CCM2: variants seen among roughly 807,000 people sequenced by gnomAD.
CCM2 encodes CCM2 scaffold protein, also known as cerebral cavernous malformations 2 protein.
Under a neutral mutation model 44.9 loss-of-function variants are expected in CCM2, and 25 were observed. The observed-to-expected ratio is 0.56, with a 90% CI of 0.41 to 0.78. The LOEUF (loss-of-function observed/expected upper bound fraction) is 0.78, where lower values mean the gene tolerates loss of function less well. CCM2 is among the 30% of genes least tolerant of loss of function. CCM2 has a pLI of 0.00. For missense variants in CCM2, 481 were observed against 580.6 expected (o/e 0.83, Z 1.76); for synonymous variants, 219 against 241.1 (o/e 0.91, Z 0.85).
intron 6 of CCM2, 22 bp from the exon 7 acceptor site, chr7:45,072,704 G>C (rs1221603526): frequency 1.2e-6 from 2 of 1,602,852 alleles, no homozygotes; most frequent in Admixed American, 1.7e-5. Flanking sequence ...AGTCATCTTA[G>C]TTTTCTGCAT....
chr7:45,064,744 T>G, intron 4 of CCM2, 98 bp downstream of exon 4: 1 of 1,236,644 alleles, frequency 8.1e-7, no homozygotes, highest in East Asian at 2.5e-5. Context: ...TCGTGTTGGG[T>G]GCTGCTGTTT....
chr7:45,054,534 T>A (rs1158933419), intron 2 of CCM2, among the ~76,000 whole-genome samples: 3 of 151,844 alleles, frequency 2.0e-5, no homozygotes, highest in Non-Finnish European at 4.4e-5. Flanking sequence ...TTAGAAGAAT[T>A]TTCTGTTTAG....
chr7:45,010,752 G>A (rs781322521), intron 1 of CCM2, among the ~76,000 whole-genome samples: 7 of 151,286 alleles, frequency 4.6e-5, no homozygotes, highest in African/African-American at 7.3e-5. Flanking sequence ...TGCCCGCCAC[G>A]ATGCCTGGCT....
At chr7:45,064,115 TACACTTGGCTCTTGGCC>T in intron 3 of CCM2, 114 bp downstream of exon 3, 1 of 730,814 alleles carries the variant, frequency 1.4e-6, no homozygotes, top group South Asian at 1.6e-5. Context: ...ACATTATGGG[TACACTTGGCTCTTGGCC>T]ATAAAGACTA....
chr7:45,000,206 C>T lies in CCM2; in HGVS notation c.-128C>T. On this transcript the variant is annotated 5_prime_UTR_variant, in exon 1 of 10. Coordinates refer to ENST00000258781, the MANE Select transcript of CCM2 (RefSeq NM_031443.4). ...GTGTGGGGCGCGGCCGGGGCGGAGA[C>T]TTCGGGCCCGGCTGGCGGGCGGCGC... 1 of 439,402 alleles carries T rather than the reference C, an allele frequency of 2.3e-6. No homozygotes were observed. Among genetic ancestry groups the T allele is most frequent in the Non-Finnish European group, 2.9e-6 (1 of 341,200 alleles). 27.2% of individuals were successfully genotyped at this position (439,402 alleles called of 1,614,324 possible). A position where few individuals can be genotyped will look rare whatever the true frequency, so the allele number is the denominator to read the frequency against.
chr7:45,000,666 A>G (rs939638954), intron 1 of CCM2, among the ~76,000 whole-genome samples: 29 of 152,358 alleles, frequency 1.9e-4, no homozygotes, highest in African/African-American at 6.0e-4. Context: ...GCGAGGGGCC[A>G]GAAAGCTGTC....
At position 45,058,326 on chromosome 7, in the gene CCM2, T is replaced by G. The variant is rs1444396767; in HGVS notation, c.205-5592T>G. Among the ~76,000 whole-genome samples, 3 of 152,072 alleles carry G rather than the reference T, an allele frequency of 2.0e-5. No individual in the cohort carries two copies. The East Asian group carries it at 5.8e-4, about 29-fold the overall frequency. On this transcript the variant is annotated intron_variant, in intron 2 of 9. Coordinates refer to ENST00000258781, the MANE Select transcript of CCM2 (RefSeq NM_031443.4). ...AAGTATGATGTTCGCTTTAGGGTGT[T>G]TTTTTTTAATACTTTAAGTTTTAGG...
chr7:45,020,858 T>C (rs549804858), intron 1 of CCM2, among the ~76,000 whole-genome samples: 65 of 36,592 alleles, frequency 1.8e-3, no homozygotes, highest in Admixed American at 8.3e-3. Flanking sequence ...ACAACTGTTA[T>C]TAGTCTTTCA....
At chr7:45,073,337 T>A in intron 7 of CCM2, 123 bp from the exon 8 acceptor site, 2 of 702,380 alleles carry the variant, frequency 2.8e-6, no homozygotes, top group Non-Finnish European at 5.1e-6. Context: ...ATCATCATCA[T>A]CACTTACATT....
intron 2 of CCM2, among the ~76,000 whole-genome samples, chr7:45,044,856 C>A (rs1337079654): frequency 6.6e-6 from 1 of 151,790 alleles, no homozygotes; most frequent in Non-Finnish European, 1.5e-5. Flanking sequence ...TTAAGTATAC[C>A]CTATAATATG....
chr7:45,073,066 T>C, intron 7 of CCM2: 1 of 594,566 alleles, frequency 1.7e-6, no homozygotes, highest in Non-Finnish European at 3.0e-6. Context: ...GCTGTTCCCC[T>C]GCCCGAGCCT....
In CCM2 at chr7:45,068,568, G is replaced by A. The variant is rs1038199581; in HGVS notation, c.598G>A (p.Ala200Thr). Residue 200 changes from alanine (A) to threonine (T), a missense_variant, in exon 5 of 10, where the codon GCA becomes ACA. Physicochemically the swap from Ala to Thr is moderately conservative, Grantham distance 58. Coordinates refer to ENST00000258781, the MANE Select transcript of CCM2 (RefSeq NM_031443.4). ...VEACCLVILA[A>T]ESKVAAEELC... Reference sequence around the variant, plus strand: ...GGCATGCTGCCTGGTCATCCTGGCTGCAGAGAGCAAGGTGAGACTTTCTCG... The same window carrying A: ...GGCATGCTGCCTGGTCATCCTGGCTACAGAGAGCAAGGTGAGACTTTCTCG... The A allele has an allele frequency of 1.9e-6, 3 of 1,614,038 alleles. No individual in the cohort carries two copies. Among genetic ancestry groups the A allele is most frequent in the African/African-American group, 2.7e-5 (2 of 75,064 alleles).
At position 45,038,290 on chromosome 7, in the gene CCM2, A is replaced by G; in HGVS notation, c.68A>G (p.Lys23Arg). 6.2e-7 allele frequency: 1 copy of G among 1,614,222 alleles called. No individual in the cohort carries two copies. The highest frequency in any genetic ancestry group is 8.5e-7 in the Non-Finnish European group (1 of 1,180,038). The stretch of plus-strand genomic sequence containing the variant: ...TCGCCATTTAAACGAGTATTCCTAA[A>G]AGGTGAAAAGAGTAGAGATAAGAAA... ...IVSPFKRVFL[K>R]GEKSRDKKAH... The change falls in exon 2 of 10, where the codon AAA becomes AGA. Residue 23 changes from lysine (K) to arginine (R), a missense_variant. Lys to Arg is a conservative substitution (Grantham distance 26). Transcript: ENST00000258781.
At chr7:45,052,571 C>T (rs1012840903) in intron 2 of CCM2, among the ~76,000 whole-genome samples, 1 of 152,164 alleles carries the variant, frequency 6.6e-6, no homozygotes, top group Non-Finnish European at 1.5e-5. Flanking sequence ...GTTGTCCATC[C>T]CACATGAACA....
At chr7:45,000,574 C>A (rs1290916315) in intron 1 of CCM2, among the ~76,000 whole-genome samples, 2 of 152,100 alleles carry the variant, frequency 1.3e-5, no homozygotes, top group Non-Finnish European at 2.9e-5. Context: ...TCCTCTGGCC[C>A]GGGCAGCGGC....
At chr7:45,020,869 C>T (rs867738973) in intron 1 of CCM2, among the ~76,000 whole-genome samples, 1 of 152,160 alleles carries the variant, frequency 6.6e-6, no homozygotes, top group Non-Finnish European at 1.5e-5. Flanking sequence ...TAGTCTTTCA[C>T]GTTGCTTTCC....
chr7:45,075,827 C>T lies in CCM2; in HGVS notation c.1105C>T (p.Leu369=), dbSNP rs1784210316. The T allele has an allele frequency of 6.2e-7, 1 of 1,613,708 alleles. No homozygotes were observed. The highest frequency in any genetic ancestry group is 8.5e-7 in the Non-Finnish European group (1 of 1,180,036). The change falls in exon 10 of 10, where the codon CTG becomes TTG. Residue 369 remains leucine, a synonymous_variant. Transcript: ENST00000258781. Reference sequence around the variant, plus strand: ...GGACAGCCAGCACTTCGAGAACTTCCTGGAGACCATTGGCGTGAAGGATGG... The same window carrying T: ...GGACAGCCAGCACTTCGAGAACTTCTTGGAGACCATTGGCGTGAAGGATGG... The part of the protein sequence containing the change: ...EKDSQHFENF[L]ETIGVKDGRG...
In CCM2 at chr7:45,055,931, C is replaced by A. The variant is rs575625020; in HGVS notation, c.205-7987C>A. Reference sequence around the variant, plus strand: ...GGTATCTTATGTAAGTGGAATCATACAATATTTGTCCTTTTGTGACTGGCT... The same window carrying A: ...GGTATCTTATGTAAGTGGAATCATAAAATATTTGTCCTTTTGTGACTGGCT... On this transcript the variant is annotated intron_variant, in intron 2 of 9. Coordinates refer to ENST00000258781, the MANE Select transcript of CCM2 (RefSeq NM_031443.4). Among the ~76,000 whole-genome samples the A allele has an allele frequency of 3.3e-5, 5 of 152,326 alleles. No individual in the cohort carries two copies. The South Asian group carries it at 1.0e-3, about 32-fold the overall frequency.
intron 2 of CCM2, among the ~76,000 whole-genome samples, chr7:45,061,456 C>CTTTTTTTTTTTTTTTTTT (rs57140747): frequency 2.5e-5 from 3 of 122,284 alleles, no homozygotes; most frequent in Non-Finnish European, 3.4e-5. Flanking sequence ...TTCTTTCTTT[C>CTTTTTTTTTTTTTTTTTT]TTTTTTTTTT....
Sources: allele counts gnomAD v4.1 joint callset (sites outside exome capture counted in the v4.1 genomes callset), GRCh38; gene constraint gnomAD v4.1.1; transcripts MANE v1.5; gene names NCBI Gene and HGNC (gene_info 2026-07-23, HGNC 2026-07-21).